The following GPR137B variants were observed in gnomAD, a reference collection of about 807,000 sequenced individuals.
The protein encoded by GPR137B is integral membrane protein GPR137B.
GPR137B carries 42 observed loss-of-function variants against 42.5 expected under a neutral mutation model. That is an observed-to-expected ratio of 0.99 (90% CI 0.77 to 1.28). The LOEUF (loss-of-function observed/expected upper bound fraction) is 1.28. Among genes scored for constraint, GPR137B ranks in the 50% most tolerant of loss-of-function variants. The pLI is 0.00. For synonymous variants in GPR137B, 218 were observed against 209.7 expected, an observed-to-expected ratio of 1.04 and a Z score of -0.34; for missense variants, 487 against 493.9, an observed-to-expected ratio of 0.99 and a Z score of 0.13.
Position 236,205,060 on chromosome 1 carries a change from T to A in GPR137B, c.967-66T>A. 1.1e-5 allele frequency: 15 copies of A among 1,349,310 alleles called. No individual in the cohort carries two copies. In the South Asian group the frequency reaches 1.8e-4, roughly 16 times the overall value. The allele number at this position is 1,349,310 out of a possible 1,614,324, so 83.6% of individuals were successfully genotyped here. A position where few individuals can be genotyped will look rare whatever the true frequency, so the allele number is the denominator to read the frequency against. ...TCTTTAGTCTCCTACAAGAAAGAGA[T>A]CTTATTTTTGTCTGGTGCAAGGCAT... On this transcript the variant is annotated intron_variant, in intron 5 of 6. Transcript: ENST00000366592.
At chr1:236,183,215 C>G (rs1662932772) in intron 4 of GPR137B, among the ~76,000 whole-genome samples, 1 of 152,066 alleles carries the variant, frequency 6.6e-6, no homozygotes, top group South Asian at 2.1e-4. Context: ...GACAAGCTAG[C>G]CTACAGTACG....
chr1:236,189,880 G>A (rs1663138049), intron 5 of GPR137B, among the ~76,000 whole-genome samples: 1 of 152,138 alleles, frequency 6.6e-6, no homozygotes, highest in Non-Finnish European at 1.5e-5. Flanking sequence ...TTAATTACAT[G>A]TCTCATTTAT....
intron 5 of GPR137B, among the ~76,000 whole-genome samples, chr1:236,189,200 T>G (rs536377800): frequency 1.3e-4 from 20 of 152,334 alleles, no homozygotes; most frequent in South Asian, 6.2e-4. Context: ...TCTATTTGAT[T>G]CTTCTCTCTT....
At chr1:236,154,882 G>T (rs995494745) in intron 1 of GPR137B, among the ~76,000 whole-genome samples, 1 of 152,174 alleles carries the variant, frequency 6.6e-6, no homozygotes, top group Admixed American at 6.5e-5. Flanking sequence ...CTGGCCACCG[G>T]GAGAAATGCA....
intron 5 of GPR137B, among the ~76,000 whole-genome samples, chr1:236,186,305 T>TATATATTATATATA (rs1491273886): frequency 1.3e-5 from 1 of 74,632 alleles, no homozygotes; most frequent in Non-Finnish European, 2.6e-5. Context: ...TAATATATAT[T>TATATATTATATATA]ATATATAATA....
At chr1:236,154,864 G>A (rs545723028) in intron 1 of GPR137B, among the ~76,000 whole-genome samples, 1 of 152,274 alleles carries the variant, frequency 6.6e-6, no homozygotes, top group African/African-American at 2.4e-5. Context: ...GGGCCCAGTG[G>A]GCCAGCGCTG....
intron 5 of GPR137B, among the ~76,000 whole-genome samples, chr1:236,198,859 T>C (rs1663416594): frequency 6.6e-6 from 1 of 152,220 alleles, no homozygotes; most frequent in Admixed American, 6.5e-5. Flanking sequence ...CAGTGACAGT[T>C]TGACTTACTC....
intron 2 of GPR137B, among the ~76,000 whole-genome samples, chr1:236,169,809 G>T (rs144381429): frequency 4.0e-4 from 61 of 152,182 alleles, no homozygotes; most frequent in African/African-American, 1.4e-3. Context: ...GGAGGCCGAG[G>T]TGGGCTGATC....
chr1:236,176,018 G>A (rs181459576), intron 2 of GPR137B, among the ~76,000 whole-genome samples: 2 of 152,294 alleles, frequency 1.3e-5, no homozygotes, highest in East Asian at 3.9e-4. Context: ...GAAGCAAAGA[G>A]TGTGTCATAG....
intron 5 of GPR137B, among the ~76,000 whole-genome samples, chr1:236,192,344 C>T (rs1663213286): frequency 1.3e-5 from 2 of 151,680 alleles, no homozygotes; most frequent in Non-Finnish European, 1.5e-5. Flanking sequence ...GGTTCTGTCT[C>T]ACTGGCGTTC....
intron 1 of GPR137B, among the ~76,000 whole-genome samples, chr1:236,152,151 GT>G (rs889893515): frequency 4.0e-5 from 6 of 151,308 alleles, no homozygotes; most frequent in Non-Finnish European, 7.4e-5. Context: ...TTCAACAGGT[GT>G]TTTTTTTTAA....
intron 1 of GPR137B, among the ~76,000 whole-genome samples, chr1:236,157,318 G>C (rs1662060808): frequency 1.3e-5 from 2 of 151,390 alleles, no homozygotes; most frequent in Admixed American, 1.3e-4. Context: ...TCCGCCTCCT[G>C]GTTCACGCCA....
In GPR137B at chr1:236,142,781, C is replaced by A. The variant is rs993669585; in HGVS notation, c.159C>A (p.Tyr53Ter). 6.2e-7 allele frequency: 1 copy of A among 1,613,874 alleles called. No individual in the cohort carries two copies. The highest frequency in any genetic ancestry group is 8.5e-7 in the Non-Finnish European group (1 of 1,179,986). ...TCACCGTCGTCTACACCGTGTTCTACGCGCTGCTCTTCGTGTTCATCTACG... is the reference window on the plus strand; with the variant it reads ...TCACCGTCGTCTACACCGTGTTCTAAGCGCTGCTCTTCGTGTTCATCTACG... ...LGLTVVYTVF[Y>*]ALLFVFIYVQ... Residue 53 changes from tyrosine to a stop codon, truncating the protein, a stop_gained, in exon 1 of 7, where the codon TAC (tyrosine) becomes TAA (stop). Transcript: ENST00000366592. LOFTEE classifies it high-confidence loss of function.
rs1339514224 is a variant in GPR137B, at chr1:236,198,516, T to C, written c.967-6610T>C. On this transcript the variant is annotated intron_variant, in intron 5 of 6. Transcript: ENST00000366592. ...CACTGTATCCAGCCTGATGATGGTA[T>C]CTTGATGGGAATTGCATTGAATTTG... is the stretch of plus-strand genomic sequence containing the variant. 2.0e-5 allele frequency among the ~76,000 whole-genome samples: 3 copies of C among 152,206 alleles called. No individual in the cohort carries two copies. The East Asian group carries it at 5.8e-4, about 29-fold the overall frequency.
At chr1:236,164,525 G>A (rs1217102775) in intron 1 of GPR137B, among the ~76,000 whole-genome samples, 1 of 152,234 alleles carries the variant, frequency 6.6e-6, no homozygotes, top group East Asian at 1.9e-4. Flanking sequence ...TGAGAGCCCA[G>A]CCGGCCAGAG....
intron 1 of GPR137B, among the ~76,000 whole-genome samples, chr1:236,157,077 AG>A (rs1312552786): frequency 6.6e-6 from 1 of 152,174 alleles, no homozygotes; most frequent in Non-Finnish European, 1.5e-5. Context: ...CCAAATGCTT[AG>A]GAAAACCTGG....
At chr1:236,207,507 G>T (rs1001845648) in intron 6 of GPR137B, among the ~76,000 whole-genome samples, 1 of 152,156 alleles carries the variant, frequency 6.6e-6, no homozygotes, top group Non-Finnish European at 1.5e-5. Flanking sequence ...CCTCACTACC[G>T]ATATGGTGAA....
At chr1:236,165,714 G>A (rs972558805) in intron 1 of GPR137B, among the ~76,000 whole-genome samples, 1 of 152,186 alleles carries the variant, frequency 6.6e-6, no homozygotes, top group Non-Finnish European at 1.5e-5. Flanking sequence ...TTGGAAAACC[G>A]CTGTATACCG....
rs576084281 is a variant in GPR137B at position 236,174,452 on chromosome 1, G to A, written c.465-3962G>A. On this transcript the variant is annotated intron_variant, in intron 2 of 6. Transcript: ENST00000366592. ...TTGAGTGCTGGGTTCTGGAAGATGC[G>A]GGGTGGGGCTTTAGGGCAAAGATGA... is the stretch of plus-strand genomic sequence containing the variant. 5.9e-5 allele frequency among the ~76,000 whole-genome samples: 9 copies of A among 152,258 alleles called. No homozygotes were observed. The South Asian group carries it at 1.5e-3, about 25-fold the overall frequency.
Sources: gnomAD v4.1 joint callset for allele counts (sites outside exome capture counted in the v4.1 genomes callset) on GRCh38, gnomAD v4.1.1 for gene constraint, MANE v1.5 for transcripts, NCBI Gene and HGNC (gene_info 2026-07-23, HGNC 2026-07-21) for gene names.